NR2F1-AS1: variants seen among roughly 807,000 people sequenced by gnomAD.
NR2F1-AS1 encodes the protein NR2F1 antisense RNA 1.
At chr5:93,542,103 C>A (rs1751963637) in intron 4 of NR2F1-AS1, 1 of 147,870 alleles carries the variant, frequency 6.8e-6, no homozygotes, top group Non-Finnish European at 1.5e-5. Context: ...TTAGTCCTGA[C>A]CCTGCCAACA....
chr5:93,412,856 C>T (rs1046737455), intron 4 of NR2F1-AS1, among the ~76,000 whole-genome samples: 1 of 152,156 alleles, frequency 6.6e-6, no homozygotes, highest in Admixed American at 6.5e-5. Flanking sequence ...TAAATTAAAT[C>T]TCCTCAGGTA....
intron 1 of NR2F1-AS1, among the ~76,000 whole-genome samples, chr5:93,569,090 C>T (rs1054959240): frequency 6.6e-6 from 1 of 152,100 alleles, no homozygotes; most frequent in African/African-American, 2.4e-5. Flanking sequence ...AGTCTCTCCT[C>T]ATAGGTTTGA....
In NR2F1-AS1 at chr5:93,521,226, G is replaced by T. The variant is rs1352304311; in HGVS notation, n.638+32535C>A. On this transcript the variant is annotated intron_variant and non_coding_transcript_variant, in intron 4 of 5. Coordinates refer to ENST00000660523, the Ensembl canonical transcript of NR2F1-AS1. Reference sequence around the variant, plus strand: ...CACATACAAAAATCAACCCAAGATGGATTAAAGATTTAAATGTAAAACTCA... The same window carrying T: ...CACATACAAAAATCAACCCAAGATGTATTAAAGATTTAAATGTAAAACTCA... 5.9e-5 allele frequency among the ~76,000 whole-genome samples: 9 copies of T among 152,238 alleles called. No individual in the cohort carries two copies. In the East Asian group the frequency reaches 1.7e-3, roughly 29 times the overall value.
At chr5:93,418,819 T>A (rs1380238454) in intron 4 of NR2F1-AS1, among the ~76,000 whole-genome samples, 2 of 152,116 alleles carry the variant, frequency 1.3e-5, no homozygotes, top group African/African-American at 2.4e-5. Flanking sequence ...TTATAATCAA[T>A]TTTGATTTCA....
chr5:93,443,827 G>A (rs1305294640), intron 4 of NR2F1-AS1, among the ~76,000 whole-genome samples: 1 of 152,212 alleles, frequency 6.6e-6, no homozygotes, highest in African/African-American at 2.4e-5. Flanking sequence ...ACAAAGGCAA[G>A]CCCATCAGAC....
intron 4 of NR2F1-AS1, among the ~76,000 whole-genome samples, chr5:93,433,486 A>C (rs1300542719): frequency 6.6e-6 from 1 of 152,226 alleles, no homozygotes; most frequent in Admixed American, 6.5e-5. Context: ...AATGAATGCT[A>C]TCTCCAAGTA....
chr5:93,425,588 A>G (rs1169252401), intron 4 of NR2F1-AS1, among the ~76,000 whole-genome samples: 2 of 152,198 alleles, frequency 1.3e-5, no homozygotes, highest in African/African-American at 2.4e-5. Context: ...CAAATATGCC[A>G]GGCATATTCA....
chr5:93,487,299 A>G (rs1032482363), intron 4 of NR2F1-AS1, among the ~76,000 whole-genome samples: 3 of 152,094 alleles, frequency 2.0e-5, no homozygotes, highest in African/African-American at 7.2e-5. Flanking sequence ...AAGAGAGAAA[A>G]TCAAATTGTC....
intron 4 of NR2F1-AS1, among the ~76,000 whole-genome samples, chr5:93,545,972 A>G (rs1447210489): frequency 6.6e-6 from 1 of 152,210 alleles, no homozygotes; most frequent in Non-Finnish European, 1.5e-5. Context: ...GAAGTTTTAT[A>G]TAGAGACAAC....
intron 4 of NR2F1-AS1, among the ~76,000 whole-genome samples, chr5:93,419,709 T>C (rs1228372389): frequency 2.0e-5 from 3 of 152,232 alleles, no homozygotes; most frequent in Non-Finnish European, 4.4e-5. Context: ...CTTAAACATA[T>C]ATGTGTTGAG....
At chr5:93,446,334 A>G (rs1283047632) in intron 4 of NR2F1-AS1, among the ~76,000 whole-genome samples, 2 of 152,242 alleles carry the variant, frequency 1.3e-5, no homozygotes, top group South Asian at 4.1e-4. Context: ...CCTTAAGCTG[A>G]TAAGTAACTT....
At chr5:93,567,193 A>T (rs1192937891) in intron 1 of NR2F1-AS1, among the ~76,000 whole-genome samples, 1 of 152,136 alleles carries the variant, frequency 6.6e-6, no homozygotes, top group Non-Finnish European at 1.5e-5. Context: ...CTGGCACAGA[A>T]AAAGAAGTAT....
chr5:93,541,631 C>T (rs917935190), intron 4 of NR2F1-AS1, among the ~76,000 whole-genome samples: 3 of 152,078 alleles, frequency 2.0e-5, no homozygotes, highest in Admixed American at 6.6e-5. Flanking sequence ...TGGATATAAT[C>T]GAAAATTTGA....
At chr5:93,554,360 T>C (rs769823725) in intron 3 of NR2F1-AS1, among the ~76,000 whole-genome samples, 4 of 152,184 alleles carry the variant, frequency 2.6e-5, no homozygotes, top group African/African-American at 4.8e-5. Flanking sequence ...ACTTCCATTT[T>C]TTATGAAGAA....
At chr5:93,526,838 A>G (rs927813576) in intron 4 of NR2F1-AS1, among the ~76,000 whole-genome samples, 5 of 152,104 alleles carry the variant, frequency 3.3e-5, no homozygotes, top group African/African-American at 9.7e-5. Flanking sequence ...GTATTGATGG[A>G]ACGTATCTCA....
intron 2 of NR2F1-AS1, among the ~76,000 whole-genome samples, chr5:93,557,190 T>C (rs896244158): frequency 1.3e-5 from 2 of 152,204 alleles, no homozygotes; most frequent in South Asian, 2.1e-4. Context: ...GTTATATAAA[T>C]TTTTCTTGGT....
chr5:93,523,205 C>T lies in NR2F1-AS1; in HGVS notation n.638+30556G>A, dbSNP rs146205861. Among the ~76,000 whole-genome samples the T allele has an allele frequency of 3.5e-3, 530 of 152,226 alleles. 2 individuals carry two copies. Among genetic ancestry groups the T allele is most frequent in the South Asian group, 0.014 (69 of 4,822 alleles). On this transcript the variant is annotated intron_variant and non_coding_transcript_variant, in intron 4 of 5. Transcript: ENST00000660523. ...TACTGAGGATTGAGTAGGCAGTTTT[C>T]CCCTCACAGTGTAAACAAAGCCTCT... is the stretch of plus-strand genomic sequence containing the variant.
chr5:93,430,642 T>C (rs967056626), intron 4 of NR2F1-AS1, among the ~76,000 whole-genome samples: 2 of 152,194 alleles, frequency 1.3e-5, no homozygotes, highest in Non-Finnish European at 2.9e-5. Flanking sequence ...ATTCTTATTA[T>C]GCCGAAAGAA....
chr5:93,465,589 G>T (rs1750211249), intron 4 of NR2F1-AS1, among the ~76,000 whole-genome samples: 1 of 152,156 alleles, frequency 6.6e-6, no homozygotes, highest in Admixed American at 6.5e-5. Flanking sequence ...ATACCCAAAG[G>T]ATTATAAATC....
Sources: gnomAD v4.1 joint callset for allele counts (sites outside exome capture counted in the v4.1 genomes callset) on GRCh38, gnomAD v4.1.1 for gene constraint, MANE v1.5 for transcripts, NCBI Gene and HGNC (gene_info 2026-07-23, HGNC 2026-07-21) for gene names.